FOXP1: variants seen among roughly 807,000 people sequenced by gnomAD.
FOXP1 encodes forkhead box P1.
Under a neutral mutation model 98.2 loss-of-function variants are expected in FOXP1, and 15 were observed. The observed-to-expected ratio is 0.15, with a 90% CI of 0.10 to 0.24. The LOEUF is 0.24. Among genes scored for constraint, FOXP1 ranks in the 10% least tolerant of loss-of-function variants. The probability of loss-of-function intolerance (pLI) is 1.00; values close to 1 mark genes in which losing one functional copy is unlikely to be tolerated. For synonymous variants in FOXP1, 371 were observed against 314.5 expected (o/e 1.18, Z -1.90); for missense variants, 633 against 848.5 (o/e 0.75, Z 3.15).
intron 3 of FOXP1, among the ~76,000 whole-genome samples, chr3:71,458,257 A>G (rs2087690973): frequency 6.6e-6 from 1 of 152,234 alleles, no homozygotes; most frequent in Non-Finnish European, 1.5e-5. Context: ...GCAGAATGCC[A>G]ACATTTTTGT....
chr3:71,077,302 A>G (rs1364477627), intron 7 of FOXP1, among the ~76,000 whole-genome samples: 1 of 152,158 alleles, frequency 6.6e-6, no homozygotes, highest in Non-Finnish European at 1.5e-5. Flanking sequence ...GTCTCTTTTT[A>G]GTGCACTCTC....
At chr3:71,298,584 G>A (rs1003615311) in intron 5 of FOXP1, among the ~76,000 whole-genome samples, 8 of 152,286 alleles carry the variant, frequency 5.3e-5, no homozygotes, top group Non-Finnish European at 1.2e-4. Flanking sequence ...CTTCCATGCC[G>A]AAACATCTGA....
At chr3:71,460,731 G>A (rs773418897) in intron 3 of FOXP1, among the ~76,000 whole-genome samples, 2 of 152,148 alleles carry the variant, frequency 1.3e-5, no homozygotes, top group East Asian at 1.9e-4. Flanking sequence ...GAGCTACCGC[G>A]CCTGGCCTAA....
At chr3:71,563,586 T>C (rs772423364) in intron 2 of FOXP1, among the ~76,000 whole-genome samples, 12 of 152,276 alleles carry the variant, frequency 7.9e-5, no homozygotes, top group Non-Finnish European at 1.8e-4. Flanking sequence ...CTTTGTATTG[T>C]AGCCATGAAA....
At chr3:71,154,075 A>ATTCTTC (rs1553761195) in intron 6 of FOXP1, among the ~76,000 whole-genome samples, 1 of 144,308 alleles carries the variant, frequency 6.9e-6, no homozygotes, top group African/African-American at 2.5e-5. Context: ...TCCCCTTTGC[A>ATTCTTC]TTCTTCTTCT....
At chr3:71,077,836 A>T (rs1576616974) in intron 7 of FOXP1, among the ~76,000 whole-genome samples, 2 of 145,604 alleles carry the variant, frequency 1.4e-5, no homozygotes, top group Non-Finnish European at 3.0e-5. Context: ...CTGTGCATAT[A>T]TTTTTTTTTT....
rs2056344936 is a variant in FOXP1 at position 71,095,275 on chromosome 3, CATTAG to C, written c.282+17256_282+17260del. ...AAAAAAATATTAGACTGCCTACTGC[CATTAG>C]ATGGTGGGTATCTGGGCCTCACACG... On this transcript the variant is annotated intron_variant, in intron 7 of 20. Transcript: ENST00000649528. Among the ~76,000 whole-genome samples the C allele has an allele frequency of 2.6e-5, 4 of 152,246 alleles. No individual in the cohort carries two copies. In the South Asian group the frequency reaches 8.3e-4, roughly 32 times the overall value.
At chr3:71,528,037 A>G (rs898421318) in intron 2 of FOXP1, among the ~76,000 whole-genome samples, 6 of 152,238 alleles carry the variant, frequency 3.9e-5, no homozygotes, top group Non-Finnish European at 7.3e-5. Flanking sequence ...GCCAGGAAAA[A>G]AGCAAAGAGA....
chr3:71,030,466 C>T (rs1238541651), intron 11 of FOXP1, among the ~76,000 whole-genome samples: 3 of 152,218 alleles, frequency 2.0e-5, no homozygotes, highest in African/African-American at 7.2e-5. Context: ...CCCTTTCCTA[C>T]TTTTTCTGTT....
At chr3:71,341,567 G>C (rs547415040) in intron 4 of FOXP1, among the ~76,000 whole-genome samples, 2 of 152,088 alleles carry the variant, frequency 1.3e-5, no homozygotes, top group East Asian at 3.9e-4. Flanking sequence ...TCAGGAGTTC[G>C]ACCAGCCTGT....
intron 12 of FOXP1, among the ~76,000 whole-genome samples, chr3:71,007,766 C>G (rs1382182453): frequency 1.3e-5 from 2 of 152,174 alleles, no homozygotes; most frequent in East Asian, 1.9e-4. Context: ...AAACTCTTCA[C>G]AGTTTTGAAA....
intron 11 of FOXP1, among the ~76,000 whole-genome samples, chr3:71,040,568 C>G (rs1054695687): frequency 2.0e-5 from 3 of 152,174 alleles, no homozygotes; most frequent in African/African-American, 7.2e-5. Context: ...CTTAGAACTG[C>G]ATGCTAACAT....
At position 71,349,459 on chromosome 3, in the gene FOXP1, T is replaced by G. The variant is rs551880446; in HGVS notation, c.-73+9691A>C. 5.9e-5 allele frequency among the ~76,000 whole-genome samples: 9 copies of G among 152,282 alleles called. No homozygotes were observed. The East Asian group carries it at 1.7e-3, about 29-fold the overall frequency. Reference sequence around the variant, plus strand: ...AATCAGAGTTAACAGACTGCCTAATTAACCAAGTCATCATTTGCCAAGATC... The same window carrying G: ...AATCAGAGTTAACAGACTGCCTAATGAACCAAGTCATCATTTGCCAAGATC... On this transcript the variant is annotated intron_variant, in intron 4 of 20. Coordinates refer to ENST00000649528, the MANE Select transcript of FOXP1 (RefSeq NM_001349338.3).
At chr3:71,065,152 T>C (rs1159420748) in intron 7 of FOXP1, among the ~76,000 whole-genome samples, 1 of 151,148 alleles carries the variant, frequency 6.6e-6, no homozygotes, top group Admixed American at 6.6e-5. Flanking sequence ...TGCTTTTGTC[T>C]GGAGAGCAAC....
chr3:71,214,442 G>A (rs536549217), intron 5 of FOXP1, among the ~76,000 whole-genome samples: 6 of 152,214 alleles, frequency 3.9e-5, no homozygotes, highest in African/African-American at 7.2e-5. Context: ...CAGGGTCAAC[G>A]GCGGGACCAT....
intron 2 of FOXP1, chr3:71,571,001 T>A (rs990484795): frequency 1.3e-5 from 2 of 152,252 alleles, no homozygotes; most frequent in Non-Finnish European, 2.9e-5. Flanking sequence ...TTTCCTTCTC[T>A]CGTAGACTTC....
chr3:71,581,593 C>T lies in FOXP1; in HGVS notation c.-342G>A. The T allele has an allele frequency of 1.0e-6, 1 of 985,588 alleles. No individual in the cohort carries two copies. The highest frequency in any genetic ancestry group is 1.2e-6 in the Non-Finnish European group (1 of 830,022). The allele number at this position is 985,588 out of a possible 1,614,324, so 61.1% of individuals were successfully genotyped here. ...AGTAGGAGCGCCGCCTTCACGCCCG[C>T]GGAGGAGGCGCCGGCAGCACCATGG... is the stretch of plus-strand genomic sequence containing the variant. On this transcript the variant is annotated 5_prime_UTR_variant, in exon 2 of 21. Coordinates refer to ENST00000649528, the MANE Select transcript of FOXP1 (RefSeq NM_001349338.3).
Position 71,123,781 on chromosome 3 carries a change from G to A in FOXP1, c.181-11144C>T, listed in dbSNP as rs529128776. ...CATTCTTCTTCTTCTTTTTTTGGTG[G>A]AGGTGGTATGGGTGCTAAATTACTG... On this transcript the variant is annotated intron_variant, in intron 6 of 20. Transcript: ENST00000649528. 9.2e-5 allele frequency among the ~76,000 whole-genome samples: 14 copies of A among 152,192 alleles called. No individual in the cohort carries two copies. In the South Asian group the frequency reaches 1.9e-3, roughly 20 times the overall value.
intron 14 of FOXP1, among the ~76,000 whole-genome samples, chr3:70,981,336 G>C (rs1243630585): frequency 7.2e-5 from 11 of 152,032 alleles, no homozygotes; most frequent in African/African-American, 2.7e-4. Flanking sequence ...TGAGCCAGAA[G>C]AGAGCAGAGA....
Sources: gnomAD v4.1 joint callset for allele counts (sites outside exome capture counted in the v4.1 genomes callset) on GRCh38, gnomAD v4.1.1 for gene constraint, MANE v1.5 for transcripts, NCBI Gene and HGNC (gene_info 2026-07-23, HGNC 2026-07-21) for gene names.